Variants in AGO1 observed in about 807,000 individuals in gnomAD.
The protein encoded by AGO1 is protein argonaute-1.
In AGO1, 11 loss-of-function variants were observed where a neutral mutation model predicts 109.2. The ratio of observed to expected loss-of-function variants is 0.10; its 90% CI spans 0.06 to 0.17. AGO1 has a LOEUF of 0.17. Ranked by LOEUF, AGO1 falls within the 10% of genes least tolerant of loss-of-function variation. AGO1 has a pLI of 1.00. For missense variants in AGO1, 574 were observed against 1,140.3 expected, an observed-to-expected ratio of 0.50 and a Z score of 7.15; for synonymous variants, 422 against 418.6, an observed-to-expected ratio of 1.01 and a Z score of -0.10.
chr1:35,877,934 G>T (rs1211183034), intron 1 of AGO1, among the ~76,000 whole-genome samples: 10 of 151,728 alleles, frequency 6.6e-5, no homozygotes, highest in Non-Finnish European at 1.3e-4. Flanking sequence ...CTCATGATCT[G>T]CCCACCTCGC....
At chr1:35,876,950 G>A (rs985524415) in intron 1 of AGO1, among the ~76,000 whole-genome samples, 10 of 152,070 alleles carry the variant, frequency 6.6e-5, no homozygotes, top group African/African-American at 2.2e-4. Flanking sequence ...TCCACACCTG[G>A]CTAATTTTTC....
intron 2 of AGO1, among the ~76,000 whole-genome samples, chr1:35,889,431 C>CT (rs1645177817): frequency 6.6e-6 from 1 of 151,838 alleles, no homozygotes; most frequent in Non-Finnish European, 1.5e-5. Context: ...AGGCTGGTCT[C>CT]TAACTCCTGA....
At chr1:35,895,047 C>T (rs1645294210) in intron 7 of AGO1, 75 bp from the exon 8 acceptor site, 1 of 1,484,376 alleles carries the variant, frequency 6.7e-7, no homozygotes, top group East Asian at 2.5e-5. Context: ...TCTGAGGCTT[C>T]CATGGTTGTG....
upstream of AGO1, among the ~76,000 whole-genome samples, chr1:35,881,837 G>C (rs1645040277): frequency 6.6e-6 from 1 of 152,170 alleles, no homozygotes; most frequent in East Asian, 1.9e-4. Flanking sequence ...GTTTGAGCTG[G>C]GTCTCTTACC....
At chr1:35,882,196 C>A (rs1258270992), upstream of AGO1, among the ~76,000 whole-genome samples, 1 of 152,122 alleles carries the variant, frequency 6.6e-6, no homozygotes, top group Non-Finnish European at 1.5e-5. This position sits in a 1 kb window ranked among gnomAD's most constrained non-coding sequence, Gnocchi z 5.1. Context: ...GGTAGGATAT[C>A]CAGGTGGAGC....
chr1:35,919,740 A>G lies in AGO1; in HGVS notation c.*133A>G, dbSNP rs983883552. The G allele has an allele frequency of 1.4e-5, 11 of 767,446 alleles. No individual in the cohort carries two copies. The highest frequency in any genetic ancestry group is 2.7e-5 in the Admixed American group (1 of 36,546). The allele number at this position is 767,446 out of a possible 1,614,324, so 47.5% of individuals were successfully genotyped here. ...AGTGTAGGATGCCTTGTTTCCTTCT[A>G]TAGAGGTGGTGTAAGAGTGGGGAAC... On this transcript the variant is annotated 3_prime_UTR_variant, in exon 19 of 19. Transcript: ENST00000373204. This position sits in a 1 kb window ranked among gnomAD's most constrained non-coding sequence, Gnocchi z 6.6.
At position 35,924,764 on chromosome 1, in the gene AGO1, TG is replaced by T; in HGVS notation, c.*5162del. ...TGTTGGGACATTCTGCCAGTCAAGA[TG>T]GGGGTGACGGGGAGACTGTAGAAGG... is the stretch of plus-strand genomic sequence containing the variant. On this transcript the variant is annotated 3_prime_UTR_variant, in exon 19 of 19. Transcript: ENST00000373204. 1 of 152,268 alleles carries T rather than the reference TG, an allele frequency of 6.6e-6. No individual in the cohort carries two copies. Among genetic ancestry groups the T allele is most frequent in the Non-Finnish European group, 1.5e-5 (1 of 68,074 alleles). 9.4% of individuals were successfully genotyped at this position (152,268 alleles called of 1,614,324 possible).
At chr1:35,895,417 C>T in intron 8 of AGO1, 148 bp downstream of exon 8, 1 of 884,672 alleles carries the variant, frequency 1.1e-6, no homozygotes, top group Non-Finnish European at 1.6e-6. Flanking sequence ...AGGCCTCATT[C>T]TTACCTGCTA....
chr1:35,870,764 T>G (rs1644943372), intron 1 of AGO1, among the ~76,000 whole-genome samples: 1 of 152,238 alleles, frequency 6.6e-6, no homozygotes, highest in South Asian at 2.1e-4. Flanking sequence ...CCCTCTGGGA[T>G]GTAACTACCA....
chr1:35,892,822 GT>G, intron 3 of AGO1, 145 bp downstream of exon 3: 1 of 1,212,338 alleles, frequency 8.2e-7, no homozygotes, highest in East Asian at 2.4e-5. Context: ...AGGTGCTGAT[GT>G]TTATTTAGTC....
At chr1:35,910,647 TC>T in intron 12 of AGO1, among the ~76,000 whole-genome samples, 1 of 152,230 alleles carries the variant, frequency 6.6e-6, no homozygotes, top group East Asian at 1.9e-4. Flanking sequence ...GTTTCTGACT[TC>T]TTTCATGCAA....
chr1:35,894,491 G>A (rs1571349738), intron 7 of AGO1, 89 bp downstream of exon 7: 2 of 1,334,554 alleles, frequency 1.5e-6, no homozygotes, highest in East Asian at 5.0e-5. Context: ...TCCCCCACTG[G>A]CCTTGAGAAT....
At position 35,892,560 on chromosome 1, in the gene AGO1, A is replaced by G. The variant is rs755840915; in HGVS notation, c.213A>G (p.Glu71=). 3 of 1,614,102 alleles carry G rather than the reference A, an allele frequency of 1.9e-6. No individual in the cohort carries two copies. In the African/African-American group the frequency reaches 4.0e-5, roughly 22 times the overall value. Residue 71 remains glutamate (E), a synonymous_variant, in exon 3 of 19, where the codon GAA becomes GAG. Transcript: ENST00000373204. Reference sequence around the variant, plus strand: ...AGGCCACTCCTATCCCCCACAGGGAAGTGGTGGAATACATGGTCCAGCATT... The same window carrying G: ...AGGCCACTCCTATCCCCCACAGGGAGGTGGTGGAATACATGGTCCAGCATT... ...PDKCPRRVNR[E]VVEYMVQHFK... is the part of the protein sequence containing the mutation.
intron 1 of AGO1, among the ~76,000 whole-genome samples, chr1:35,884,829 C>T (rs1435749627): frequency 2.0e-5 from 3 of 152,180 alleles, no homozygotes; most frequent in Non-Finnish European, 4.4e-5. Context: ...TCTTAAGTGT[C>T]TTACCCTGTG....
chr1:35,885,199 T>C (rs1321494623), intron 1 of AGO1, among the ~76,000 whole-genome samples: 4 of 152,192 alleles, frequency 2.6e-5, no homozygotes, highest in Non-Finnish European at 4.4e-5. Flanking sequence ...CTTCTGTTTT[T>C]CAAGGCTGGG....
At position 35,929,412 on chromosome 1, in the gene AGO1, T is replaced by G. The variant is rs1263511842; in HGVS notation, c.*9805T>G. The stretch of plus-strand genomic sequence containing the variant: ...AAAAAGACTAGCCCACCCCAAAGGT[T>G]TATCACTGTCACCATGTCTAATGTC... On this transcript the variant is annotated 3_prime_UTR_variant, in exon 19 of 19. Transcript: ENST00000373204. 1 of 152,234 alleles carries G rather than the reference T, an allele frequency of 6.6e-6. No individual in the cohort carries two copies. Among genetic ancestry groups the G allele is most frequent in the African/African-American group, 2.4e-5 (1 of 41,454 alleles). The allele number at this position is 152,234 out of a possible 1,614,324, so 9.4% of individuals were successfully genotyped here.
rs767735487 is a variant in AGO1 at position 35,922,169 on chromosome 1, C to T, written c.*2562C>T. The T allele has an allele frequency of 3.3e-5, 5 of 152,660 alleles. No individual in the cohort carries two copies. The highest frequency in any genetic ancestry group is 9.6e-5 in the African/African-American group (4 of 41,452). The allele number at this position is 152,660 out of a possible 1,614,324, so 9.5% of individuals were successfully genotyped here. A position where few individuals can be genotyped will look rare whatever the true frequency, so the allele number is the denominator to read the frequency against. On this transcript the variant is annotated 3_prime_UTR_variant, in exon 19 of 19. Transcript: ENST00000373204. The stretch of plus-strand genomic sequence containing the variant: ...TTTTCTCTCTTTGCCTCACTCTCTC[C>T]AGTTGGTTTTCAGCTGGGGCTTGAA...
At position 35,926,015 on chromosome 1, in the gene AGO1, C is replaced by T. The variant is rs1337188989; in HGVS notation, c.*6408C>T. 1 of 151,956 alleles carries T rather than the reference C, an allele frequency of 6.6e-6. No individual in the cohort carries two copies. Among genetic ancestry groups the T allele is most frequent in the African/African-American group, 2.4e-5 (1 of 41,370 alleles). 9.4% of individuals were successfully genotyped at this position (151,956 alleles called of 1,614,324 possible). A position where few individuals can be genotyped will look rare whatever the true frequency, so the allele number is the denominator to read the frequency against. ...TCCCTTGGGAAAGAGCCAGCCAGCC[C>T]CATGCTTCTTTTCAGCAGCAAGGGT... On this transcript the variant is annotated 3_prime_UTR_variant, in exon 19 of 19. Transcript: ENST00000373204.
chr1:35,909,337 G>T (rs1193224259), intron 12 of AGO1, among the ~76,000 whole-genome samples: 1 of 152,126 alleles, frequency 6.6e-6, no homozygotes. Context: ...TTTAATCCTG[G>T]CTATACCAGT....
Sources: allele counts gnomAD v4.1 joint callset (sites outside exome capture counted in the v4.1 genomes callset), GRCh38; gene constraint gnomAD v4.1.1; non-coding constraint Gnocchi (gnomAD v3.1); transcripts MANE v1.5; gene names NCBI Gene and HGNC (gene_info 2026-07-23, HGNC 2026-07-21).